The following CCNY variants were observed in gnomAD, a reference collection of about 807,000 sequenced individuals.
CCNY encodes the protein cyclin-Y.
In CCNY, 19 loss-of-function variants were observed where a neutral mutation model predicts 42.8. The ratio of observed to expected loss-of-function variants is 0.44; its 90% CI spans 0.31 to 0.65. The LOEUF (loss-of-function observed/expected upper bound fraction) is 0.65. Among genes scored for constraint, CCNY ranks in the 30% least tolerant of loss-of-function variants. The probability of loss-of-function intolerance (pLI) is 0.07; values close to 1 mark genes in which losing one functional copy is unlikely to be tolerated. For missense variants in CCNY, 370 were observed against 437.3 expected, an observed-to-expected ratio of 0.85 and a Z score of 1.37; for synonymous variants, 165 against 162.7, an observed-to-expected ratio of 1.01 and a Z score of -0.11.
In CCNY at chr10:35,549,699, C is replaced by T. The variant is rs577974953; in HGVS notation, c.580-3320C>T. Reference sequence around the variant, plus strand: ...TCGTGACCCTGCGCTGCTCATGGTCCGTGACCCTACACTGCTTGTGACCCT... The same window carrying T: ...TCGTGACCCTGCGCTGCTCATGGTCTGTGACCCTACACTGCTTGTGACCCT... On this transcript the variant is annotated intron_variant, in intron 7 of 9. Coordinates refer to ENST00000374704, the MANE Select transcript of CCNY (RefSeq NM_145012.6). 3.4e-5 allele frequency among the ~76,000 whole-genome samples: 5 copies of T among 147,012 alleles called. No homozygotes were observed. The South Asian group carries it at 8.8e-4, about 26-fold the overall frequency.
At chr10:35,540,534 CAT>C (rs755943599) in intron 7 of CCNY, among the ~76,000 whole-genome samples, 14 of 151,016 alleles carry the variant, frequency 9.3e-5, no homozygotes, top group Admixed American at 3.3e-4. Flanking sequence ...ATAGTAGCCT[CAT>C]AGAACAAATT....
At chr10:35,534,103 C>G (rs973171406) in intron 7 of CCNY, among the ~76,000 whole-genome samples, 2 of 152,064 alleles carry the variant, frequency 1.3e-5, no homozygotes, top group African/African-American at 4.8e-5. Context: ...CTCACTGCAC[C>G]CTGCACCTCC....
At chr10:35,325,759 T>G (rs765735832) in intron 3 of CCNY, among the ~76,000 whole-genome samples, 15 of 152,184 alleles carry the variant, frequency 9.9e-5, no homozygotes, top group Non-Finnish European at 1.6e-4. Context: ...GTTGAGTCAC[T>G]GCGCTTGGCC....
intron 1 of CCNY, among the ~76,000 whole-genome samples, chr10:35,343,484 G>A (rs111669978): frequency 6.8e-6 from 1 of 146,804 alleles, no homozygotes; most frequent in African/African-American, 2.5e-5. Context: ...CCGCCTCCTG[G>A]GTTGAAGCAA....
chr10:35,518,755 G>C (rs1840481527), intron 4 of CCNY, among the ~76,000 whole-genome samples: 1 of 144,674 alleles, frequency 6.9e-6, no homozygotes, highest in South Asian at 2.2e-4. Context: ...TGGGTATTTG[G>C]ATTTGTAACA....
intron 1 of CCNY, among the ~76,000 whole-genome samples, chr10:35,412,376 A>G (rs1266977786): frequency 2.0e-5 from 3 of 152,212 alleles, no homozygotes; most frequent in African/African-American, 4.8e-5. Flanking sequence ...GGAACTCAGT[A>G]TAGAAGGACA....
At chr10:35,331,691 ACT>A, upstream of CCNY, among the ~76,000 whole-genome samples, 1 of 152,214 alleles carries the variant, frequency 6.6e-6, no homozygotes, top group South Asian at 2.1e-4. Context: ...ACTACTTAAA[ACT>A]ATTAGCCATC....
At chr10:35,327,199 T>C (rs1361722906) in intron 3 of CCNY, among the ~76,000 whole-genome samples, 10 of 152,314 alleles carry the variant, frequency 6.6e-5, no homozygotes, top group African/African-American at 2.2e-4. Context: ...GAAAAAAAAG[T>C]CAACTAAGTT....
At position 35,461,217 on chromosome 10, in the gene CCNY, G is replaced by A. The variant is rs140178487; in HGVS notation, c.155-22187G>A. Among the ~76,000 whole-genome samples, 125 of 152,262 alleles carry A rather than the reference G, an allele frequency of 8.2e-4. 1 individual carries two copies. The East Asian group carries it at 0.023, about 28-fold the overall frequency. On this transcript the variant is annotated intron_variant, in intron 1 of 9. Transcript: ENST00000374704. ...CATGAGTCTTGTTAAAGCACAGTAAGGCAAACTTGACTAAGGACCATCTCG... is the reference window on the plus strand; with the variant it reads ...CATGAGTCTTGTTAAAGCACAGTAAAGCAAACTTGACTAAGGACCATCTCG...
At chr10:35,256,461 C>T (rs548415130) in intron 3 of CCNY, among the ~76,000 whole-genome samples, 4 of 152,098 alleles carry the variant, frequency 2.6e-5, no homozygotes, top group South Asian at 4.2e-4. Context: ...CAAGGCTGGG[C>T]GGTGGCTCAC....
intron 1 of CCNY, among the ~76,000 whole-genome samples, chr10:35,430,705 A>G (rs1177172877): frequency 6.6e-6 from 1 of 152,236 alleles, no homozygotes; most frequent in Non-Finnish European, 1.5e-5. Flanking sequence ...ACAGAATTTA[A>G]TAAGAAAAAG....
chr10:35,381,006 C>G (rs939396831), intron 1 of CCNY, among the ~76,000 whole-genome samples: 1 of 152,158 alleles, frequency 6.6e-6, no homozygotes, highest in African/African-American at 2.4e-5. Context: ...CATCCCAAGG[C>G]TGGGGTGGTG....
chr10:35,448,299 G>A (rs564481693), intron 1 of CCNY, among the ~76,000 whole-genome samples: 3 of 152,310 alleles, frequency 2.0e-5, no homozygotes, highest in South Asian at 4.1e-4. Context: ...AACAAAGCAG[G>A]AAGTTAAGGG....
rs1309702108 is a variant in CCNY at position 35,530,976 on chromosome 10, GA to G, written c.579+736del. 6.6e-6 allele frequency among the ~76,000 whole-genome samples: 1 copy of G among 152,146 alleles called. No individual in the cohort carries two copies. Among genetic ancestry groups the G allele is most frequent in the East Asian group, 1.9e-4 (1 of 5,194 alleles). ...TCCCAGCTACTTGGAAGGCTGAGGT[GA>G]AAGGATCACTTAAGCCCAGGAGGTC... On this transcript the variant is annotated intron_variant, in intron 7 of 9. Transcript: ENST00000374704. The surrounding 1 kb of genome is among the most constrained non-coding windows in gnomAD (Gnocchi z 4.3).
At chr10:35,564,174 C>G (rs1205811936) in intron 8 of CCNY, among the ~76,000 whole-genome samples, 2 of 63,580 alleles carry the variant, frequency 3.1e-5, no homozygotes, top group African/African-American at 1.2e-4. Context: ...GTGACCACAC[C>G]CAGCCTAAAT....
At chr10:35,305,562 C>T (rs1045124477) in intron 3 of CCNY, among the ~76,000 whole-genome samples, 3 of 152,162 alleles carry the variant, frequency 2.0e-5, no homozygotes, top group African/African-American at 7.2e-5. Context: ...CTGCTGTTTA[C>T]CCAGTTAAAT....
intron 2 of CCNY, among the ~76,000 whole-genome samples, chr10:35,491,383 T>G (rs1011138310): frequency 6.6e-6 from 1 of 152,192 alleles, no homozygotes; most frequent in African/African-American, 2.4e-5. Context: ...ACTTGTGATG[T>G]AACAGGTACT....
rs532186656 is a variant in CCNY at position 35,558,112 on chromosome 10, CA to C, written c.746+4932del. Among the ~76,000 whole-genome samples the C allele has an allele frequency of 5.5e-4, 84 of 152,292 alleles. 2 individuals carry two copies. In the South Asian group the frequency reaches 0.017, roughly 31 times the overall value. On this transcript the variant is annotated intron_variant, in intron 8 of 9. Coordinates refer to ENST00000374704, the MANE Select transcript of CCNY (RefSeq NM_145012.6). Reference sequence around the variant, plus strand: ...AACCCCTGCTTCAGTTTGTTGAAAGCAAAAACTGGAAACCATCTAAGTAGCC... The same window carrying C: ...AACCCCTGCTTCAGTTTGTTGAAAGCAAAACTGGAAACCATCTAAGTAGCC...
intron 1 of CCNY, among the ~76,000 whole-genome samples, chr10:35,478,308 C>T (rs1053396517): frequency 4.0e-5 from 6 of 151,624 alleles, no homozygotes; most frequent in African/African-American, 1.2e-4. Flanking sequence ...CATATGGAAC[C>T]AAAAAAGAGC....
Sources: gnomAD v4.1 joint callset for allele counts (sites outside exome capture counted in the v4.1 genomes callset) on GRCh38, gnomAD v4.1.1 for gene constraint, Gnocchi (gnomAD v3.1) non-coding constraint, MANE v1.5 for transcripts, NCBI Gene and HGNC (gene_info 2026-07-23, HGNC 2026-07-21) for gene names.